Variants in SLAIN2 observed in about 807,000 individuals in gnomAD.
The protein encoded by SLAIN2 is SLAIN family member 2.
SLAIN2 carries 31 observed loss-of-function variants against 56.6 expected under a neutral mutation model. The ratio of observed to expected loss-of-function variants is 0.55; its 90% CI spans 0.41 to 0.74. The LOEUF (loss-of-function observed/expected upper bound fraction) is 0.74. Among genes scored for constraint, SLAIN2 ranks in the 30% least tolerant of loss-of-function variants. The pLI, the probability that SLAIN2 is intolerant of heterozygous loss-of-function variation, is 0.00. For missense variants in SLAIN2, 777 were observed against 754.2 expected (o/e 1.03, Z -0.35); for synonymous variants, 317 against 284.9 (o/e 1.11, Z -1.13).
intron 1 of SLAIN2, among the ~76,000 whole-genome samples, chr4:48,348,089 A>G (rs1714916376): frequency 6.6e-6 from 1 of 152,212 alleles, no homozygotes; most frequent in African/African-American, 2.4e-5. Context: ...AGCTTGGGGA[A>G]GAGAACTTTT....
chr4:48,347,288 T>A (rs1714894080), intron 1 of SLAIN2, among the ~76,000 whole-genome samples: 2 of 152,038 alleles, frequency 1.3e-5, no homozygotes, highest in South Asian at 4.2e-4. Context: ...GGGGTGGGGG[T>A]ATAATCTACA....
At chr4:48,361,489 C>T (rs1217127270) in intron 1 of SLAIN2, among the ~76,000 whole-genome samples, 1 of 152,094 alleles carries the variant, frequency 6.6e-6, no homozygotes, top group Non-Finnish European at 1.5e-5. Flanking sequence ...ATCTTAAGGG[C>T]AGAGGGAAAC....
At chr4:48,362,075 T>TA (rs1358535869) in intron 1 of SLAIN2, among the ~76,000 whole-genome samples, 1 of 152,216 alleles carries the variant, frequency 6.6e-6, no homozygotes, top group African/African-American at 2.4e-5. Flanking sequence ...ATGGATTTTC[T>TA]ATATGCAGGA....
At chr4:48,389,027 C>A (rs1716167343) in intron 6 of SLAIN2, among the ~76,000 whole-genome samples, 1 of 152,078 alleles carries the variant, frequency 6.6e-6, no homozygotes, top group African/African-American at 2.4e-5. Flanking sequence ...GAAGGAATTC[C>A]CATCCAGATT....
chr4:48,379,788 T>A lies in SLAIN2; in HGVS notation c.802T>A (p.Ser268Thr). The change falls in exon 4 of 8, where the codon TCC becomes ACC. Residue 268 changes from serine (S) to threonine (T), a missense_variant. Physicochemically the swap from Ser to Thr is moderately conservative, Grantham distance 58 (BLOSUM62 1). Coordinates refer to ENST00000264313, the MANE Select transcript of SLAIN2 (RefSeq NM_020846.2). ...AGAATTAGATGAAGATTCAATTGGA[T>A]CCAATTATAAGCTAAATGATGTAAC... ...ASELDEDSIG[S>T]NYKLNDVTDV... 6.3e-7 allele frequency: 1 copy of A among 1,599,478 alleles called. No homozygotes were observed. The highest frequency in any genetic ancestry group is 8.5e-7 in the Non-Finnish European group (1 of 1,173,824).
chr4:48,341,562 C>T lies in SLAIN2; in HGVS notation c.-178C>T, dbSNP rs1321531674. The T allele has an allele frequency of 1.0e-6, 1 of 970,664 alleles. No individual in the cohort carries two copies. The highest frequency in any genetic ancestry group is 1.7e-5 in the African/African-American group (1 of 57,944). The allele number at this position is 970,664 out of a possible 1,614,324, so 60.1% of individuals were successfully genotyped here. A position where few individuals can be genotyped will look rare whatever the true frequency, so the allele number is the denominator to read the frequency against. On this transcript the variant is annotated 5_prime_UTR_variant, in exon 1 of 8. Coordinates refer to ENST00000264313, the MANE Select transcript of SLAIN2 (RefSeq NM_020846.2). ...AGCCGGCGCAGATGAGGCAGTTCGG[C>T]TGGGGCCAGCGGCGCTTTGGAACCC... is the stretch of plus-strand genomic sequence containing the variant.
In SLAIN2 at chr4:48,424,967, T is replaced by C. The variant is rs1717262954; in HGVS notation, c.*2890T>C. 1 of 152,276 alleles carries C rather than the reference T, an allele frequency of 6.6e-6. No homozygotes were observed. The highest frequency in any genetic ancestry group is 3.4e-3 in the Middle Eastern group (1 of 294). 9.4% of individuals were successfully genotyped at this position (152,276 alleles called of 1,614,324 possible). A position where few individuals can be genotyped will look rare whatever the true frequency, so the allele number is the denominator to read the frequency against. On this transcript the variant is annotated 3_prime_UTR_variant, in exon 8 of 8. Coordinates refer to ENST00000264313, the MANE Select transcript of SLAIN2 (RefSeq NM_020846.2). The stretch of plus-strand genomic sequence containing the variant: ...ACATTTCTATAGCCGAACTTGTATA[T>C]GTGGTTGCCTCCTTAATAAACAGCC...
intron 1 of SLAIN2, among the ~76,000 whole-genome samples, chr4:48,355,026 C>T (rs1184346746): frequency 2.0e-5 from 3 of 152,020 alleles, no homozygotes; most frequent in Non-Finnish European, 2.9e-5. Flanking sequence ...GGATTACAGG[C>T]GACTGCCACC....
intron 2 of SLAIN2, among the ~76,000 whole-genome samples, chr4:48,370,287 T>TA (rs1715629877): frequency 6.6e-6 from 1 of 152,202 alleles, no homozygotes. Flanking sequence ...AAATAACTAT[T>TA]AAAATATAAA....
intron 6 of SLAIN2, among the ~76,000 whole-genome samples, chr4:48,411,237 C>T (rs985677518): frequency 2.0e-5 from 3 of 152,118 alleles, no homozygotes; most frequent in African/African-American, 7.2e-5. Context: ...ATCTATCTTT[C>T]TCACTACTTC....
At chr4:48,352,101 TG>T (rs1258126198) in intron 1 of SLAIN2, among the ~76,000 whole-genome samples, 3 of 142,712 alleles carry the variant, frequency 2.1e-5, no homozygotes, top group African/African-American at 7.5e-5. Flanking sequence ...GGAGAGTTTT[TG>T]AATATTGGAA....
chr4:48,344,159 T>C (rs1473464118), intron 1 of SLAIN2, among the ~76,000 whole-genome samples: 1 of 152,224 alleles, frequency 6.6e-6, no homozygotes, highest in Non-Finnish European at 1.5e-5. Context: ...TCCTGCTTAC[T>C]GCTTTGATCC....
chr4:48,380,122 T>TA, intron 4 of SLAIN2, among the ~76,000 whole-genome samples: 1 of 152,260 alleles, frequency 6.6e-6, no homozygotes, highest in Middle Eastern at 3.4e-3. Context: ...CCCTGCATGT[T>TA]ACTCTGCACT....
chr4:48,344,228 G>A (rs1388561474), intron 1 of SLAIN2, among the ~76,000 whole-genome samples: 1 of 152,180 alleles, frequency 6.6e-6, no homozygotes, highest in Non-Finnish European at 1.5e-5. Flanking sequence ...TGTGTGAACT[G>A]AAAGTTGAAT....
At chr4:48,411,808 T>G (rs1197995465) in intron 6 of SLAIN2, among the ~76,000 whole-genome samples, 2 of 152,216 alleles carry the variant, frequency 1.3e-5, no homozygotes, top group Non-Finnish European at 2.9e-5. Context: ...TTTGGAATTT[T>G]CAGGACATTG....
At chr4:48,360,983 C>G (rs1288579414) in intron 1 of SLAIN2, among the ~76,000 whole-genome samples, 3 of 152,176 alleles carry the variant, frequency 2.0e-5, no homozygotes, top group African/African-American at 7.2e-5. Context: ...AATACCAACT[C>G]AAAAAATTCA....
intron 1 of SLAIN2, among the ~76,000 whole-genome samples, chr4:48,356,502 G>A (rs547881315): frequency 1.3e-5 from 2 of 152,130 alleles, no homozygotes; most frequent in East Asian, 1.9e-4. Flanking sequence ...GAAAAGATAC[G>A]TGCTAGTATA....
rs538298253 is a variant in SLAIN2, at chr4:48,398,458, C to T, written c.1360+14674C>T. Among the ~76,000 whole-genome samples, 52 of 152,110 alleles carry T rather than the reference C, an allele frequency of 3.4e-4. No homozygotes were observed. The South Asian group carries it at 8.7e-3, about 25-fold the overall frequency. On this transcript the variant is annotated intron_variant, in intron 6 of 7. Coordinates refer to ENST00000264313, the MANE Select transcript of SLAIN2 (RefSeq NM_020846.2). ...CATTCTGTAGGTTGCCTGTTCACTC[C>T]GATGATAGTTTCTTTTGCTGTGCAG...
intron 6 of SLAIN2, among the ~76,000 whole-genome samples, chr4:48,406,525 CTT>C (rs34797619): frequency 0.049 from 6,631 of 134,988 alleles, 227 homozygotes; most frequent in African/African-American, 0.097. Context: ...CTCTCTCTCT[CTT>C]TTTTTTTTTT....
Sources: gnomAD v4.1 joint callset for allele counts (sites outside exome capture counted in the v4.1 genomes callset) on GRCh38, gnomAD v4.1.1 for gene constraint, MANE v1.5 for transcripts, NCBI Gene and HGNC (gene_info 2026-07-23, HGNC 2026-07-21) for gene names.